Variants in SGIP1 observed in about 807,000 individuals in gnomAD.
SGIP1 encodes the protein SH3GL interacting endocytic adaptor 1.
Under a neutral mutation model 107.5 loss-of-function variants are expected in SGIP1, and 38 were observed. The ratio of observed to expected loss-of-function variants is 0.35; its 90% confidence interval spans 0.27 to 0.46. The LOEUF (loss-of-function observed/expected upper bound fraction) is 0.46, where lower values mean the gene tolerates loss of function less well. SGIP1 is among the 20% of genes least tolerant of loss of function. The pLI, the probability that SGIP1 is intolerant of heterozygous loss-of-function variation, is 1.00. For synonymous variants in SGIP1, 365 were observed against 366.1 expected (o/e 1.00, Z 0.03); for missense variants, 929 against 1,019.5 (o/e 0.91, Z 1.21).
chr1:66,654,538 G>T (rs755599193), intron 7 of SGIP1, among the ~76,000 whole-genome samples: 2 of 151,574 alleles, frequency 1.3e-5, no homozygotes, highest in Non-Finnish European at 2.9e-5. Flanking sequence ...AAGCATAACA[G>T]TATAAGAAAA....
intron 1 of SGIP1, among the ~76,000 whole-genome samples, chr1:66,590,920 C>A (rs1020692407): frequency 7.9e-5 from 12 of 152,210 alleles, no homozygotes; most frequent in African/African-American, 2.4e-4. Context: ...AATACATTTT[C>A]TTTCTGTAGC....
intron 1 of SGIP1, among the ~76,000 whole-genome samples, chr1:66,569,130 A>G (rs1029516311): frequency 1.3e-5 from 2 of 150,204 alleles, no homozygotes; most frequent in African/African-American, 5.0e-5. Flanking sequence ...GCCTGAGGCT[A>G]CAGTCTCCAA....
intron 4 of SGIP1, among the ~76,000 whole-genome samples, chr1:66,636,306 A>G (rs768517489): frequency 1.3e-5 from 2 of 152,226 alleles, no homozygotes; most frequent in Admixed American, 6.5e-5. Flanking sequence ...AGAATCTACT[A>G]TCTATAAAGA....
chr1:66,576,067 G>A (rs1287076419), intron 1 of SGIP1, among the ~76,000 whole-genome samples: 1 of 152,198 alleles, frequency 6.6e-6, no homozygotes, highest in African/African-American at 2.4e-5. Flanking sequence ...ATTGCAGCAA[G>A]AGGTCAGAAA....
intron 1 of SGIP1, among the ~76,000 whole-genome samples, chr1:66,622,513 C>T (rs1425302475): frequency 6.6e-6 from 1 of 152,168 alleles, no homozygotes; most frequent in African/African-American, 2.4e-5. Flanking sequence ...TATAACCGGG[C>T]TGCCTAGTTT....
At chr1:66,710,269 A>T (rs940942924) in intron 18 of SGIP1, among the ~76,000 whole-genome samples, 2 of 152,130 alleles carry the variant, frequency 1.3e-5, no homozygotes, top group African/African-American at 4.8e-5. Flanking sequence ...TATAGAAAGA[A>T]TTTCTACATT....
intron 16 of SGIP1, among the ~76,000 whole-genome samples, chr1:66,689,974 C>T (rs770422393): frequency 5.9e-5 from 9 of 152,204 alleles, no homozygotes; most frequent in African/African-American, 1.9e-4. Flanking sequence ...ATCCCAGCTT[C>T]GCTAAGCTCA....
chr1:66,730,634 T>C (rs1003715736), intron 20 of SGIP1, among the ~76,000 whole-genome samples: 4 of 152,224 alleles, frequency 2.6e-5, no homozygotes, highest in African/African-American at 7.2e-5. Flanking sequence ...CAGGTCTCCT[T>C]TGTTCACAAC....
rs2094592943 is a variant in SGIP1, at chr1:66,749,243, T to C, written c.*6148T>C. On this transcript the variant is annotated 3_prime_UTR_variant, in exon 25 of 25. Transcript: ENST00000371037. ...TTTCCAATTCTTTGCCGTGTGGAAT[T>C]AATGCCAGTGAATAATCTCCAGTAA... Among the ~76,000 whole-genome samples the C allele has an allele frequency of 6.6e-6, 1 of 152,058 alleles. No individual in the cohort carries two copies. Among genetic ancestry groups the C allele is most frequent in the African/African-American group, 2.4e-5 (1 of 41,448 alleles).
intron 1 of SGIP1, among the ~76,000 whole-genome samples, chr1:66,617,926 G>A (rs2069818799): frequency 6.6e-6 from 1 of 152,166 alleles, no homozygotes; most frequent in Admixed American, 6.6e-5. Context: ...GTCACGAGGA[G>A]CCTGGACTCT....
rs1398120599 is a variant in SGIP1, at chr1:66,673,338, A to T, written c.618A>T (p.Glu206Asp). The T allele has an allele frequency of 1.4e-5, 22 of 1,612,628 alleles. No homozygotes were observed. Among genetic ancestry groups the T allele is most frequent in the Non-Finnish European group, 1.8e-5 (21 of 1,179,706 alleles). Residue 206 changes from glutamate to aspartate, a missense_variant, in exon 12 of 25, where the codon GAA becomes GAT. Transcript: ENST00000371037. ...CTCCTCTCTTTGGCCCACCACTAGA[A>T]TCAGCTTTTGATGAACAGAAGACAG... is the stretch of plus-strand genomic sequence containing the variant. ...ALAPLFGPPL[E>D]SAFDEQKTEV...
intron 1 of SGIP1, among the ~76,000 whole-genome samples, chr1:66,570,205 T>G (rs894862171): frequency 6.6e-6 from 1 of 151,870 alleles, no homozygotes; most frequent in African/African-American, 2.4e-5. Flanking sequence ...TTTTTAATAG[T>G]CTTAATTTCA....
In SGIP1 at chr1:66,750,036, G is replaced by GGGGT. The variant is rs1348715562; in HGVS notation, c.*6942_*6943insGGTG. On this transcript the variant is annotated 3_prime_UTR_variant, in exon 25 of 25. Coordinates refer to ENST00000371037, the MANE Select transcript of SGIP1 (RefSeq NM_032291.4). ...CTCTCTTTCTCTGTGTGTGTGTGGG[G>GGGGT]GTGTGTGTGTGTGTGTGTGTGTGTG... Among the ~76,000 whole-genome samples the GGGGT allele has an allele frequency of 1.3e-4, 15 of 119,170 alleles. No homozygotes were observed. The highest frequency in any genetic ancestry group is 1.1e-3 in the South Asian group (4 of 3,676). The allele number at this position is 119,170 out of a possible 152,430, so 78.2% of individuals were successfully genotyped here.
intron 1 of SGIP1, among the ~76,000 whole-genome samples, chr1:66,572,703 C>A (rs1241694839): frequency 6.6e-6 from 1 of 151,908 alleles, no homozygotes; most frequent in Non-Finnish European, 1.5e-5. Flanking sequence ...AAAATATAAC[C>A]CACAAGACTG....
chr1:66,598,021 G>A lies in SGIP1; in HGVS notation c.11-27826G>A, dbSNP rs544551166. Among the ~76,000 whole-genome samples, 270 of 152,186 alleles carry A rather than the reference G, an allele frequency of 1.8e-3. 3 individuals are homozygous for A. The highest frequency in any genetic ancestry group is 6.3e-3 in the African/African-American group (260 of 41,530). ...AAAGGGAACACAACTGGCCAGCATG[G>A]AGAAAAATGAGTTCTCCTGGGCAAG... On this transcript the variant is annotated intron_variant, in intron 1 of 24. Transcript: ENST00000371037.
At chr1:66,697,958 G>A (rs190329242) in intron 18 of SGIP1, among the ~76,000 whole-genome samples, 4 of 152,158 alleles carry the variant, frequency 2.6e-5, no homozygotes, top group Non-Finnish European at 5.9e-5. Context: ...TCTTCATTCA[G>A]GGAATGTAGA....
At chr1:66,734,863 T>C (rs1433086956) in intron 21 of SGIP1, among the ~76,000 whole-genome samples, 2 of 152,190 alleles carry the variant, frequency 1.3e-5, no homozygotes, top group Non-Finnish European at 2.9e-5. Context: ...CAATTGTATG[T>C]CTGTATTAGG....
intron 19 of SGIP1, among the ~76,000 whole-genome samples, chr1:66,725,242 A>C (rs1322481024): frequency 6.6e-6 from 1 of 152,150 alleles, no homozygotes; most frequent in Non-Finnish European, 1.5e-5. Flanking sequence ...ATCTGCTCCC[A>C]ATCTCTGCCC....
intron 18 of SGIP1, among the ~76,000 whole-genome samples, chr1:66,707,286 T>C (rs951517201): frequency 6.6e-6 from 1 of 152,140 alleles, no homozygotes; most frequent in Non-Finnish European, 1.5e-5. Context: ...AGTATAACCA[T>C]CAGAAACTGA....
Sources: allele counts gnomAD v4.1 joint callset (sites outside exome capture counted in the v4.1 genomes callset), GRCh38; gene constraint gnomAD v4.1.1; transcripts MANE v1.5; gene names NCBI Gene and HGNC (gene_info 2026-07-23, HGNC 2026-07-21).